The following NBEA variants were observed in gnomAD, a reference collection of about 807,000 sequenced individuals.
NBEA encodes the protein neurobeachin.
NBEA carries 44 observed loss-of-function variants against 343.4 expected under a neutral mutation model. The observed-to-expected ratio is 0.13, with a 90% CI of 0.10 to 0.16. The LOEUF (loss-of-function observed/expected upper bound fraction) is 0.16, where lower values mean the gene tolerates loss of function less well. Among genes scored for constraint, NBEA ranks in the 10% least tolerant of loss-of-function variants. The pLI is 1.00. For missense variants in NBEA, 2,555 were observed against 3,631.3 expected (o/e 0.70, Z 7.62); for synonymous variants, 1,175 against 1,238.7 (o/e 0.95, Z 1.08).
At chr13:35,670,572 G>T (rs1490459274) in intron 58 of NBEA, among the ~76,000 whole-genome samples, 1 of 152,216 alleles carries the variant, frequency 6.6e-6, no homozygotes, top group Non-Finnish European at 1.5e-5. Context: ...GCCAATAGAT[G>T]CCCAAAACAA....
intron 35 of NBEA, among the ~76,000 whole-genome samples, chr13:35,308,492 ATATATGTG>A (rs2037093941): frequency 8.1e-6 from 1 of 123,240 alleles, no homozygotes; most frequent in African/African-American, 3.4e-5. Flanking sequence ...ATATGTGTAT[ATATATGTG>A]TATATATATA....
In NBEA at chr13:35,667,471, C is replaced by T. The variant is rs770305071; in HGVS notation, c.8562C>T (p.Ser2854=). ...CLFPRLISVS[S]EGHCIIYYER... ...TCCCACGCTTGATATCTGTCTCCAG[C>T]GAAGGCCACTGTATCATATACTATG... The change falls in exon 57 of 59, where the codon AGC becomes AGT. Residue 2854 remains serine, a synonymous_variant. Coordinates refer to ENST00000379939, the MANE Select transcript of NBEA (RefSeq NM_001385012.1). The T allele has an allele frequency of 7.4e-6, 12 of 1,613,730 alleles. No individual in the cohort carries two copies. Among genetic ancestry groups the T allele is most frequent in the African/African-American group, 2.7e-5 (2 of 74,880 alleles).
chr13:35,233,189 A>C (rs779821648), intron 34 of NBEA, among the ~76,000 whole-genome samples: 12 of 152,104 alleles, frequency 7.9e-5, no homozygotes, highest in Non-Finnish European at 1.8e-4. Flanking sequence ...TCTTTTTAAA[A>C]AGTTTTGTTT....
intron 41 of NBEA, among the ~76,000 whole-genome samples, chr13:35,520,086 C>T (rs1261298075): frequency 6.6e-6 from 1 of 152,168 alleles, no homozygotes; most frequent in Non-Finnish European, 1.5e-5. Context: ...CACCTCAGCT[C>T]ATCAAGTATT....
chr13:35,591,481 A>G (rs17052477), intron 46 of NBEA, among the ~76,000 whole-genome samples: 6,222 of 152,134 alleles, frequency 0.041, 459 homozygotes, highest in African/African-American at 0.14. Flanking sequence ...TTAAAATCCT[A>G]AACAGCAATA....
chr13:34,959,422 G>A (rs2059592427), intron 1 of NBEA, among the ~76,000 whole-genome samples: 1 of 152,006 alleles, frequency 6.6e-6, no homozygotes, highest in Non-Finnish European at 1.5e-5. Flanking sequence ...AGATTCCAAT[G>A]GCAATGTAAT....
chr13:35,394,164 A>G (rs1470469250), intron 38 of NBEA, among the ~76,000 whole-genome samples: 2 of 152,140 alleles, frequency 1.3e-5, no homozygotes, highest in Non-Finnish European at 2.9e-5. Context: ...TTTGCTCCCA[A>G]TCATTGATGG....
At chr13:35,621,182 T>C (rs1411036941) in intron 48 of NBEA, among the ~76,000 whole-genome samples, 1 of 152,184 alleles carries the variant, frequency 6.6e-6, no homozygotes, top group Non-Finnish European at 1.5e-5. Context: ...GATATTAGAC[T>C]ATATTCACCT....
Position 35,184,076 on chromosome 13 carries a change from TACTG to T in NBEA, c.4927+8_4927+11del, listed in dbSNP as rs1457534160. ...TTGGCCACTCATTTTACAAAGGTAA[TACTG>T]ACCTCATCTCCTGACCTGTTTGGGT... On this transcript the variant is annotated splice_donor_region_variant and intron_variant, in intron 30 of 58. Transcript: ENST00000379939. The T allele has an allele frequency of 6.3e-7, 1 of 1,594,408 alleles. No individual in the cohort carries two copies. The highest frequency in any genetic ancestry group is 1.3e-5 in the African/African-American group (1 of 74,374).
intron 44 of NBEA, among the ~76,000 whole-genome samples, chr13:35,558,410 G>A (rs2079686607): frequency 6.6e-6 from 1 of 152,090 alleles, no homozygotes; most frequent in South Asian, 2.1e-4. Flanking sequence ...CATTTAAATT[G>A]GGAATTGAAA....
chr13:35,345,230 A>C (rs1432240977), intron 36 of NBEA, among the ~76,000 whole-genome samples: 3 of 152,092 alleles, frequency 2.0e-5, no homozygotes, highest in Non-Finnish European at 4.4e-5. Flanking sequence ...TTAGCAAATT[A>C]AGAATAGAAG....
chr13:35,140,918 T>TC (rs921464605), intron 17 of NBEA, among the ~76,000 whole-genome samples: 44 of 152,322 alleles, frequency 2.9e-4, no homozygotes, highest in African/African-American at 9.6e-4. Context: ...AGGCAGCTTC[T>TC]CCCACCTTGT....
intron 1 of NBEA, among the ~76,000 whole-genome samples, chr13:35,010,871 T>A (rs912435462): frequency 6.0e-5 from 9 of 150,082 alleles, no homozygotes; most frequent in African/African-American, 2.2e-4. Flanking sequence ...GAGGCTGCAG[T>A]GAGCCATGTT....
intron 38 of NBEA, among the ~76,000 whole-genome samples, chr13:35,371,285 A>G (rs945402277): frequency 3.3e-5 from 5 of 152,038 alleles, no homozygotes; most frequent in African/African-American, 1.2e-4. Context: ...GTGTTGTGTT[A>G]TGAGGACTTT....
intron 38 of NBEA, among the ~76,000 whole-genome samples, chr13:35,391,211 G>A (rs895279769): frequency 6.6e-6 from 1 of 151,538 alleles, no homozygotes; most frequent in African/African-American, 2.4e-5. Flanking sequence ...GGAGGCAGAG[G>A]TTGCAGTGAG....
intron 1 of NBEA, among the ~76,000 whole-genome samples, chr13:34,949,243 G>C (rs1024296082): frequency 6.6e-6 from 1 of 152,106 alleles, no homozygotes; most frequent in Admixed American, 6.5e-5. Context: ...TTAAGCTGAC[G>C]GTTAAGGGGA....
intron 38 of NBEA, among the ~76,000 whole-genome samples, chr13:35,426,790 A>G (rs1468001335): frequency 1.3e-5 from 2 of 152,146 alleles, no homozygotes; most frequent in Admixed American, 1.3e-4. Context: ...CACCAATCAG[A>G]CATAGATTTG....
chr13:35,629,193 A>G (rs1416720239), intron 49 of NBEA, among the ~76,000 whole-genome samples: 1 of 152,116 alleles, frequency 6.6e-6, no homozygotes, highest in Non-Finnish European at 1.5e-5. Flanking sequence ...GCTGCTACAT[A>G]AGTGTTGCTT....
intron 1 of NBEA, among the ~76,000 whole-genome samples, chr13:34,989,839 G>A (rs2060687773): frequency 6.6e-6 from 1 of 151,072 alleles, no homozygotes; most frequent in South Asian, 2.1e-4. Flanking sequence ...AAACAAGTTA[G>A]TTACCTCCAA....
Sources: allele counts gnomAD v4.1 joint callset (sites outside exome capture counted in the v4.1 genomes callset), GRCh38; gene constraint gnomAD v4.1.1; transcripts MANE v1.5; gene names NCBI Gene and HGNC (gene_info 2026-07-23, HGNC 2026-07-21).